The following ZNF565 variants were observed in gnomAD, a reference collection of about 807,000 sequenced individuals.
The protein encoded by ZNF565 is zinc finger protein 565.
A neutral mutation model predicts 39.4 loss-of-function variants in ZNF565; 27 were observed. The ratio of observed to expected loss-of-function variants is 0.69; its 90% CI spans 0.51 to 0.95. ZNF565 has a LOEUF of 0.95. ZNF565 is among the 40% of genes least tolerant of loss of function. The pLI is 0.00. For synonymous variants in ZNF565, 185 were observed against 216.6 expected, an observed-to-expected ratio of 0.85 and a Z score of 1.28; for missense variants, 524 against 621.1, an observed-to-expected ratio of 0.84 and a Z score of 1.66.
At chr19:36,220,899 C>T (rs1159043142) in intron 1 of ZNF565, among the ~76,000 whole-genome samples, 4 of 149,594 alleles carry the variant, frequency 2.7e-5, no homozygotes, top group Non-Finnish European at 5.9e-5. Context: ...TTGCCCAGGG[C>T]AGAGTGCAGT....
chr19:36,193,306 C>T (rs140618959), intron 4 of ZNF565, among the ~76,000 whole-genome samples: 18 of 151,654 alleles, frequency 1.2e-4, no homozygotes, highest in African/African-American at 3.6e-4. Context: ...TTAGTAGAGA[C>T]GGGGCTTCAC....
chr19:36,228,709 C>T (rs1977189321), intron 1 of ZNF565: 2 of 152,126 alleles, frequency 1.3e-5, no homozygotes, highest in Non-Finnish European at 2.9e-5. Context: ...ACTTTGGACC[C>T]AGCATTAACA....
chr19:36,245,829 C>G lies in ZNF565; in HGVS notation c.-299G>C, dbSNP rs947382565. 2.3e-4 allele frequency: 84 copies of G among 366,696 alleles called. No homozygotes were observed. The highest frequency in any genetic ancestry group is 3.3e-4 in the Non-Finnish European group (66 of 202,676). 22.7% of individuals were successfully genotyped at this position (366,696 alleles called of 1,614,324 possible). A position where few individuals can be genotyped will look rare whatever the true frequency, so the allele number is the denominator to read the frequency against. ...CCGGTTCCTTCGCCCAGCTGCGGGC[C>G]TCGGGCTACTGGATCCGCTGTCTCG... is the stretch of plus-strand genomic sequence containing the variant. On this transcript the variant is annotated 5_prime_UTR_variant, in exon 1 of 5. Coordinates refer to the ZNF565 transcript ENST00000355114. The surrounding 1 kb of genome is among the most constrained non-coding windows in gnomAD (Gnocchi z 4.4).
intron 4 of ZNF565, among the ~76,000 whole-genome samples, chr19:36,186,805 G>A (rs933110265): frequency 4.6e-5 from 7 of 151,958 alleles, no homozygotes; most frequent in East Asian, 3.9e-4. Flanking sequence ...AAGACAAGAC[G>A]GCATTTGTCA....
chr19:36,224,888 ATGTTT>A (rs1201216379), intron 1 of ZNF565, among the ~76,000 whole-genome samples: 1 of 151,794 alleles, frequency 6.6e-6, no homozygotes, highest in Non-Finnish European at 1.5e-5. Context: ...TTATTTCTGG[ATGTTT>A]TGTTTTATGT....
At chr19:36,242,975 A>C (rs949370258) in intron 1 of ZNF565, among the ~76,000 whole-genome samples, 4 of 152,176 alleles carry the variant, frequency 2.6e-5, no homozygotes, top group Non-Finnish European at 5.9e-5. Flanking sequence ...ATTATTTTCT[A>C]AGACTGTGTT....
intron 4 of ZNF565, among the ~76,000 whole-genome samples, chr19:36,191,745 T>C (rs1180197286): frequency 6.6e-6 from 1 of 152,184 alleles, no homozygotes; most frequent in Non-Finnish European, 1.5e-5. Context: ...AGTTCTTCCT[T>C]ATTGAAGAAT....
chr19:36,241,611 G>A (rs1307083547), intron 1 of ZNF565, among the ~76,000 whole-genome samples: 2 of 151,808 alleles, frequency 1.3e-5, no homozygotes, highest in Non-Finnish European at 2.9e-5. Flanking sequence ...TGGCCAACAT[G>A]GTGAAACCCT....
At chr19:36,233,445 T>G (rs1040515821) in intron 1 of ZNF565, among the ~76,000 whole-genome samples, 1 of 151,766 alleles carries the variant, frequency 6.6e-6, no homozygotes, top group Non-Finnish European at 1.5e-5. Flanking sequence ...AAACAAAGTA[T>G]AGAGAAAGAA....
At chr19:36,202,405 AC>A (rs56373732) in intron 1 of ZNF565, among the ~76,000 whole-genome samples, 79,704 of 123,558 alleles carry the variant, frequency 0.65, 21,236 homozygotes, top group Admixed American at 0.69. Flanking sequence ...AACAACAACA[AC>A]AAAAAAAAAC....
At chr19:36,215,856 A>C (rs914804852), upstream of ZNF565, among the ~76,000 whole-genome samples, 2 of 152,186 alleles carry the variant, frequency 1.3e-5, no homozygotes, top group Non-Finnish European at 2.9e-5. Flanking sequence ...GTTTTAGGTT[A>C]GGCACAGTTA....
intron 1 of ZNF565, among the ~76,000 whole-genome samples, chr19:36,226,461 T>C (rs1453972932): frequency 6.6e-6 from 1 of 152,230 alleles, no homozygotes; most frequent in Non-Finnish European, 1.5e-5. Flanking sequence ...TACAACTTTA[T>C]AGAAGAGTTG....
intron 1 of ZNF565, among the ~76,000 whole-genome samples, chr19:36,239,556 G>T (rs1222601303): frequency 1.3e-5 from 2 of 152,092 alleles, no homozygotes; most frequent in African/African-American, 4.8e-5. Flanking sequence ...AACTCCTGGG[G>T]TGAAGTGATT....
Position 36,200,656 on chromosome 19 carries a change from T to C in ZNF565, c.9+1321A>G, listed in dbSNP as rs1975926529. On this transcript the variant is annotated intron_variant, in intron 2 of 4. Transcript: ENST00000304116. ...GACACCTGCCACTGCACCCAGCTAATTTCTGTATTTTTAGTAGAGACGGGG... is the reference window on the plus strand; with the variant it reads ...GACACCTGCCACTGCACCCAGCTAACTTCTGTATTTTTAGTAGAGACGGGG... 2.0e-5 allele frequency among the ~76,000 whole-genome samples: 3 copies of C among 149,128 alleles called. No homozygotes were observed. The Admixed American group carries it at 2.0e-4, about 10-fold the overall frequency.
Position 36,245,562 on chromosome 19 carries a change from CCA to C in ZNF565, c.-34_-33del, listed in dbSNP as rs1384949920. On this transcript the variant is annotated 5_prime_UTR_variant, in exon 1 of 5. Transcript: ENST00000355114. This position sits in a 1 kb window ranked among gnomAD's most constrained non-coding sequence, Gnocchi z 4.4. Reference sequence around the variant, plus strand: ...GGTGGCTTGCTCTGGACTACATTTCCCAGGGTCCACCGCGGATCTAGGAGGAG... The same window carrying C: ...GGTGGCTTGCTCTGGACTACATTTCCGGGTCCACCGCGGATCTAGGAGGAG... 1.4e-6 allele frequency: 1 copy of C among 702,292 alleles called. No homozygotes were observed. The highest frequency in any genetic ancestry group is 2.0e-5 in the Admixed American group (1 of 50,002). 43.5% of individuals were successfully genotyped at this position (702,292 alleles called of 1,614,324 possible).
At chr19:36,218,578 G>T (rs558404550), upstream of ZNF565, among the ~76,000 whole-genome samples, 2 of 151,160 alleles carry the variant, frequency 1.3e-5, no homozygotes, top group African/African-American at 4.9e-5. Flanking sequence ...CCATTCTCCC[G>T]CCTCAGCCTC....
intron 2 of ZNF565, among the ~76,000 whole-genome samples, chr19:36,201,430 C>T (rs1184535868): frequency 1.3e-5 from 2 of 152,190 alleles, no homozygotes; most frequent in African/African-American, 2.4e-5. Context: ...TCATATTTCT[C>T]TCAAGAGAAG....
At chr19:36,231,056 CT>C (rs1240142991) in intron 1 of ZNF565, among the ~76,000 whole-genome samples, 1 of 152,090 alleles carries the variant, frequency 6.6e-6, no homozygotes, top group Non-Finnish European at 1.5e-5. Flanking sequence ...AATATACTGG[CT>C]TATTCCTAGG....
intron 1 of ZNF565, among the ~76,000 whole-genome samples, chr19:36,234,589 G>A (rs1214422321): frequency 1.3e-5 from 2 of 152,118 alleles, no homozygotes; most frequent in Non-Finnish European, 2.9e-5. Context: ...AGTAGAGATG[G>A]GGTTTCACTG....
Sources: gnomAD v4.1 joint callset for allele counts (sites outside exome capture counted in the v4.1 genomes callset) on GRCh38, gnomAD v4.1.1 for gene constraint, Gnocchi (gnomAD v3.1) non-coding constraint, MANE v1.5 for transcripts, NCBI Gene and HGNC (gene_info 2026-07-23, HGNC 2026-07-21) for gene names.